The following PALB2 variants were observed in gnomAD, a reference collection of about 807,000 sequenced individuals.
PALB2 encodes the protein mutant partner and localizer of BRCA2.
PALB2 carries 82 observed loss-of-function variants against 107.4 expected under a neutral mutation model. The ratio of observed to expected loss-of-function variants is 0.76; its 90% CI spans 0.64 to 0.92. The LOEUF (loss-of-function observed/expected upper bound fraction) is 0.92, where lower values mean the gene tolerates loss of function less well. Among genes scored for constraint, PALB2 ranks in the 40% least tolerant of loss-of-function variants. The pLI, the probability that PALB2 is intolerant of heterozygous loss-of-function variation, is 0.00. For synonymous variants in PALB2, 489 were observed against 496.8 expected, an observed-to-expected ratio of 0.98 and a Z score of 0.21; for missense variants, 1,374 against 1,379.9, an observed-to-expected ratio of 1.00 and a Z score of 0.07.
chr16:23,624,129 G>C, intron 7 of PALB2, 35 bp from the exon 8 acceptor site: 1 of 1,465,820 alleles, frequency 6.8e-7, no homozygotes, highest in Admixed American at 1.7e-5. Context: ...ATTATGCTTG[G>C]TTGTTTCATT....
chr16:23,634,793 G>T, intron 4 of PALB2, 69 bp downstream of exon 4: 1 of 1,546,190 alleles, frequency 6.5e-7, no homozygotes, highest in Non-Finnish European at 8.7e-7. Context: ...AGAAAAGGAA[G>T]TGCCAGGCAA....
In PALB2 at chr16:23,630,046, A is replaced by C. The variant is rs752592662; in HGVS notation, c.2108T>G (p.Leu703Ter). 1.2e-6 allele frequency: 2 copies of C among 1,614,158 alleles called. No individual in the cohort carries two copies. Among genetic ancestry groups the C allele is most frequent in the East Asian group, 2.2e-5 (1 of 44,886 alleles). ...HTKTGLSSSI[L>*]LYTPLNTVAP... ...AACCGTATTTAAAGGAGTATAAAGTAATATGGATGAAGAAAGGCCCGTCTT... is the reference window on the plus strand; with the variant it reads ...AACCGTATTTAAAGGAGTATAAAGTCATATGGATGAAGAAAGGCCCGTCTT... Residue 703 changes from leucine to a stop codon, truncating the protein, a stop_gained, in exon 5 of 13, where the codon TTA becomes TGA. Transcript: ENST00000261584. LOFTEE classifies it high-confidence loss of function.
chr16:23,608,349 T>A (rs532243942), intron 11 of PALB2, among the ~76,000 whole-genome samples: 18 of 152,002 alleles, frequency 1.2e-4, no homozygotes, highest in Non-Finnish European at 1.5e-4. Context: ...GCCACCGCGC[T>A]CAGCCAACTT....
At position 23,603,250 on chromosome 16, in the gene PALB2, C is replaced by T. The variant is rs1336079225; in HGVS notation, c.*209G>A. On this transcript the variant is annotated 3_prime_UTR_variant, in exon 13 of 13. Coordinates refer to ENST00000261584, the MANE Select transcript of PALB2 (RefSeq NM_024675.4). The stretch of plus-strand genomic sequence containing the variant: ...TACAAATGTGGGAAATTACAAAAAT[C>T]AACCTAAAACCCTTTTTCTCAAAGT... The T allele has an allele frequency of 1.9e-6, 1 of 533,598 alleles. No homozygotes were observed. The allele number at this position is 533,598 out of a possible 1,614,324, so 33.1% of individuals were successfully genotyped here.
intron 11 of PALB2, among the ~76,000 whole-genome samples, chr16:23,612,952 C>A (rs746159865): frequency 1.3e-5 from 2 of 151,568 alleles, no homozygotes; most frequent in African/African-American, 2.4e-5. Context: ...GGGCTTTCAC[C>A]ATATTGGTCA....
chr16:23,635,467 T>C lies in PALB2; in HGVS notation c.1079A>G (p.Asp360Gly), dbSNP rs876659751. ...QTEKSLKSPS[D>G]TLDGRNENLQ... The stretch of plus-strand genomic sequence containing the variant: ...ATTTTCATTCCTGCCATCAAGAGTG[T>C]CACTGGGAGATTTTAAAGATTTCTC... The change falls in exon 4 of 13, where the codon GAC (aspartate) becomes GGC (glycine). Residue 360 changes from aspartate to glycine, a missense_variant. Coordinates refer to ENST00000261584, the MANE Select transcript of PALB2 (RefSeq NM_024675.4). 3.7e-6 allele frequency: 6 copies of C among 1,614,068 alleles called. No homozygotes were observed. The highest frequency in any genetic ancestry group is 5.1e-6 in the Non-Finnish European group (6 of 1,180,034).
Position 23,641,134 on chromosome 16 carries a change from G to T in PALB2, c.24C>A (p.Pro8=), listed in dbSNP as rs766487850. MDEPPGK[P]LSCEEKEKLK... is the part of the protein sequence containing the mutation. Reference sequence around the variant, plus strand: ...CCTTTTCCTTCTCCTCACAGCTGAGGGGCTTCCCGGGAGGCTCGTCCATCG... The same window carrying T: ...CCTTTTCCTTCTCCTCACAGCTGAGTGGCTTCCCGGGAGGCTCGTCCATCG... The change falls in exon 1 of 13, where the codon CCC becomes CCA. Residue 8 remains proline (P), a synonymous_variant. Transcript: ENST00000261584. 1 of 1,613,330 alleles carries T rather than the reference G, an allele frequency of 6.2e-7. No homozygotes were observed. The highest frequency in any genetic ancestry group is 1.7e-5 in the Admixed American group (1 of 59,956).
At chr16:23,623,353 C>G (rs1000967610) in intron 8 of PALB2, among the ~76,000 whole-genome samples, 2 of 151,522 alleles carry the variant, frequency 1.3e-5, no homozygotes, top group Non-Finnish European at 2.9e-5. Context: ...TAGGTGCGCA[C>G]CACCACACCT....
rs1966406887 is a variant in PALB2, at chr16:23,603,669, C to T, written c.3351G>A (p.Arg1117=). ...LYCLPPGQAG[R]FLEGDVKDHC... ...GATCTTTCACGTCACCTTCCAGGAA[C>T]CTGATAGCATACAAAGAAGATATAA... is the stretch of plus-strand genomic sequence containing the variant. The change falls in exon 13 of 13, where the codon AGG becomes AGA. Residue 1117 remains arginine, a splice_region_variant and synonymous_variant. Transcript: ENST00000261584. 2.5e-6 allele frequency: 4 copies of T among 1,611,820 alleles called. No individual in the cohort carries two copies. Among genetic ancestry groups the T allele is most frequent in the East Asian group, 2.2e-5 (1 of 44,838 alleles).
chr16:23,632,894 G>A (rs934358943), intron 4 of PALB2, among the ~76,000 whole-genome samples: 2 of 152,170 alleles, frequency 1.3e-5, no homozygotes, highest in Admixed American at 6.5e-5. Flanking sequence ...AGGAGATAGA[G>A]ACCAGCCTGG....
chr16:23,613,892 T>G, intron 11 of PALB2, 112 bp downstream of exon 11: 1 of 781,904 alleles, frequency 1.3e-6, no homozygotes, highest in South Asian at 1.5e-5. Flanking sequence ...CTATCCAATT[T>G]TGAAAAAAGA....
intron 1 of PALB2, chr16:23,640,811 A>G: frequency 2.8e-6 from 1 of 350,924 alleles, no homozygotes. Flanking sequence ...CCGGGGGGAG[A>G]AGTAAAGATT....
At chr16:23,610,113 GT>G (rs1379697008) in intron 11 of PALB2, among the ~76,000 whole-genome samples, 1 of 152,142 alleles carries the variant, frequency 6.6e-6, no homozygotes, top group Non-Finnish European at 1.5e-5. Context: ...TCTCCATAAA[GT>G]TTTATTAGAA....
rs752373316 is a variant in PALB2 at position 23,603,643 on chromosome 16, T to G, written c.3377A>C (p.His1126Pro). The change falls in exon 13 of 13, where the codon CAC (histidine) becomes CCC (proline). Residue 1126 changes from histidine (H) to proline (P), a missense_variant. Physicochemically the swap from His to Pro is moderately conservative, Grantham distance 77 (BLOSUM62 -2). Coordinates refer to ENST00000261584, the MANE Select transcript of PALB2 (RefSeq NM_024675.4). ...GRFLEGDVKD[H>P]CAAAILTSGT... ...AGAAGTCAAGATTGCTGCTGCACAGTGATCTTTCACGTCACCTTCCAGGAA... is the reference window on the plus strand; with the variant it reads ...AGAAGTCAAGATTGCTGCTGCACAGGGATCTTTCACGTCACCTTCCAGGAA... 4 of 1,613,610 alleles carry G rather than the reference T, an allele frequency of 2.5e-6. No homozygotes were observed. The Admixed American group carries it at 6.7e-5, about 27-fold the overall frequency.
At chr16:23,603,811 T>C in intron 12 of PALB2, 142 bp from the exon 13 acceptor site, 1 of 739,136 alleles carries the variant, frequency 1.4e-6, no homozygotes, top group South Asian at 1.7e-5. Context: ...TTTGTAGCCT[T>C]AGAGGTCTGT....
At chr16:23,634,515 G>A (rs867489958) in intron 4 of PALB2, among the ~76,000 whole-genome samples, 37 of 152,232 alleles carry the variant, frequency 2.4e-4, no homozygotes, top group Middle Eastern at 6.8e-3. Flanking sequence ...AGCCAGGCAT[G>A]GTGGTACATG....
At chr16:23,627,278 G>C (rs1465735587) in intron 6 of PALB2, among the ~76,000 whole-genome samples, 1 of 151,712 alleles carries the variant, frequency 6.6e-6, no homozygotes, top group African/African-American at 2.4e-5. Context: ...ATGAGGTCAG[G>C]AGATCGAGAC....
At chr16:23,637,753 T>G in intron 3 of PALB2, 97 bp downstream of exon 3, 1 of 877,538 alleles carries the variant, frequency 1.1e-6, no homozygotes, top group Non-Finnish European at 1.9e-6. Flanking sequence ...CGTCTATTGC[T>G]AGTCATTATC....
intron 1 of PALB2, among the ~76,000 whole-genome samples, chr16:23,639,389 C>T (rs1192706090): frequency 6.6e-6 from 1 of 151,434 alleles, no homozygotes; most frequent in East Asian, 1.9e-4. Context: ...AAAAATGAGC[C>T]GGGTGTGGTG....
Sources: gnomAD v4.1 joint callset for allele counts (sites outside exome capture counted in the v4.1 genomes callset) on GRCh38, gnomAD v4.1.1 for gene constraint, MANE v1.5 for transcripts, NCBI Gene and HGNC (gene_info 2026-07-23, HGNC 2026-07-21) for gene names.